Variants in GTF2IRD1 observed in about 807,000 individuals in gnomAD.
GTF2IRD1 encodes GTF2I repeat domain containing 1.
GTF2IRD1 carries 26 observed loss-of-function variants against 113.2 expected under a neutral mutation model. That is an observed-to-expected ratio of 0.23 (90% CI 0.17 to 0.32). GTF2IRD1 has a LOEUF of 0.32. Ranked by LOEUF, GTF2IRD1 falls within the 10% of genes least tolerant of loss-of-function variation. The pLI is 1.00. For synonymous variants in GTF2IRD1, 484 were observed against 529.1 expected (o/e 0.91, Z 1.17); for missense variants, 864 against 1,280.8 (o/e 0.67, Z 4.97).
At chr7:74,524,641 G>A (rs1014846144) in intron 8 of GTF2IRD1, among the ~76,000 whole-genome samples, 5 of 152,260 alleles carry the variant, frequency 3.3e-5, no homozygotes, top group East Asian at 1.9e-4. Context: ...AGAGGCAGGC[G>A]GATCACCTGA....
At chr7:74,531,388 T>C (rs1363691152) in intron 9 of GTF2IRD1, among the ~76,000 whole-genome samples, 2 of 152,020 alleles carry the variant, frequency 1.3e-5, no homozygotes, top group Non-Finnish European at 2.9e-5. Flanking sequence ...AAATTAAACA[T>C]AGAATAACCA....
rs587728467 is a variant in GTF2IRD1, at chr7:74,536,162, C to G, written c.1301-5C>G. ...TCACCCTGACCTCCCTGACTCTCCC[C>G]ACAGGGAACAAGTTTACCAAAGACA... is the stretch of plus-strand genomic sequence containing the variant. On this transcript the variant is annotated splice_polypyrimidine_tract_variant and splice_region_variant and intron_variant, in intron 10 of 26. Coordinates refer to ENST00000424337, the MANE Select transcript of GTF2IRD1 (RefSeq NM_005685.4). The G allele has an allele frequency of 6.2e-7, 1 of 1,600,696 alleles. No individual in the cohort carries two copies. Among genetic ancestry groups the G allele is most frequent in the Non-Finnish European group, 8.6e-7 (1 of 1,167,778 alleles).
At chr7:74,464,317 C>T (rs1554330276) in intron 1 of GTF2IRD1, among the ~76,000 whole-genome samples, 1 of 152,208 alleles carries the variant, frequency 6.6e-6, no homozygotes, top group Non-Finnish European at 1.5e-5. Flanking sequence ...TTGTCAGTTT[C>T]CCATTGGCAA....
rs782789787 is a variant in GTF2IRD1 at position 74,545,761 on chromosome 7, A to C, written c.1684A>C (p.Ile562Leu). ...CCTTCCAGACAGCCACGGTGACGTG[A>C]TCCGGCCCCTGCGGAAGCAGGTGGA... ...RPVEDSHGDV[I>L]RPLRKQVELL... The change falls in exon 16 of 27, where the codon ATC (isoleucine) becomes CTC (leucine). Residue 562 changes from isoleucine (I) to leucine (L), a missense_variant. Physicochemically the swap from Ile to Leu is conservative, Grantham distance 5. Coordinates refer to ENST00000424337, the MANE Select transcript of GTF2IRD1 (RefSeq NM_005685.4). The C allele has an allele frequency of 6.2e-7, 1 of 1,612,948 alleles. No individual in the cohort carries two copies. Among genetic ancestry groups the C allele is most frequent in the East Asian group, 2.2e-5 (1 of 44,880 alleles).
At chr7:74,532,821 T>C (rs1562843090) in intron 9 of GTF2IRD1, among the ~76,000 whole-genome samples, 1 of 152,176 alleles carries the variant, frequency 6.6e-6, no homozygotes, top group Non-Finnish European at 1.5e-5. Flanking sequence ...AATTTCCTGC[T>C]GGGTCCTCCC....
chr7:74,513,053 C>A, intron 3 of GTF2IRD1, 82 bp downstream of exon 3: 1 of 1,381,712 alleles, frequency 7.2e-7, no homozygotes, highest in Non-Finnish European at 1.0e-6. Context: ...GTCCCCAACC[C>A]TGTCTAGCCA....
At chr7:74,520,564 C>T (rs1797223721) in intron 6 of GTF2IRD1, among the ~76,000 whole-genome samples, 1 of 151,918 alleles carries the variant, frequency 6.6e-6, no homozygotes, top group South Asian at 2.1e-4. Flanking sequence ...GAATCTGAAG[C>T]TTTGGGGATG....
intron 1 of GTF2IRD1, among the ~76,000 whole-genome samples, chr7:74,491,513 GC>G (rs200754049): frequency 0.27 from 40,061 of 151,028 alleles, 5,672 homozygotes; most frequent in South Asian, 0.37. Flanking sequence ...AGTGTGTGTT[GC>G]CCCCCTCTCT....
Position 74,536,244 on chromosome 7 carries a change from G to A in GTF2IRD1, c.1378G>A (p.Ala460Thr). ...PEDTSAEVSR[A>T]TVLDLAGNAR... ...GGACACCTCTGCAGAGGTCTCTAGG[G>A]CCACCGTCCTTGACCTTGCTGGGAA... is the stretch of plus-strand genomic sequence containing the variant. The change falls in exon 11 of 27, where the codon GCC becomes ACC. Residue 460 changes from alanine (A) to threonine (T), a missense_variant. Physicochemically the swap from Ala to Thr is moderately conservative, Grantham distance 58. Coordinates refer to ENST00000424337, the MANE Select transcript of GTF2IRD1 (RefSeq NM_005685.4). The A allele has an allele frequency of 6.2e-7, 1 of 1,612,418 alleles. No homozygotes were observed. The highest frequency in any genetic ancestry group is 8.5e-7 in the Non-Finnish European group (1 of 1,178,564).
intron 1 of GTF2IRD1, among the ~76,000 whole-genome samples, chr7:74,484,568 C>T (rs1339644371): frequency 6.6e-6 from 1 of 151,688 alleles, no homozygotes; most frequent in African/African-American, 2.4e-5. Flanking sequence ...AAGCAATTCT[C>T]CTGCCTCAGC....
chr7:74,505,497 CCTCT>C (rs1796253530), intron 1 of GTF2IRD1, among the ~76,000 whole-genome samples: 1 of 152,228 alleles, frequency 6.6e-6, no homozygotes, highest in Non-Finnish European at 1.5e-5. Context: ...GCCCCTCTTC[CCTCT>C]CTGTGTCCCT....
intron 17 of GTF2IRD1, 127 bp downstream of exon 17, chr7:74,547,413 G>A: frequency 3.1e-6 from 2 of 647,402 alleles, no homozygotes; most frequent in Non-Finnish European, 5.3e-6. Context: ...GACCACAGGT[G>A]TGAGGTGTGT....
intron 1 of GTF2IRD1, among the ~76,000 whole-genome samples, chr7:74,477,229 C>T (rs932641490): frequency 1.8e-4 from 28 of 152,078 alleles, no homozygotes; most frequent in African/African-American, 6.0e-4. Context: ...CCACACATGC[C>T]AGTGCGCACC....
chr7:74,547,367 A>T, intron 17 of GTF2IRD1, 81 bp downstream of exon 17: 1 of 1,163,296 alleles, frequency 8.6e-7, no homozygotes. Flanking sequence ...AATTGCCATC[A>T]AGCAATTCTT....
At chr7:74,458,028 G>A (rs1252111374) in intron 1 of GTF2IRD1, among the ~76,000 whole-genome samples, 3 of 151,838 alleles carry the variant, frequency 2.0e-5, no homozygotes, top group African/African-American at 7.3e-5. Flanking sequence ...GCTCTACCAC[G>A]CCCGGCTAAT....
intron 22 of GTF2IRD1, among the ~76,000 whole-genome samples, chr7:74,560,177 A>G (rs1554358625): frequency 6.6e-6 from 1 of 152,212 alleles, no homozygotes; most frequent in Non-Finnish European, 1.5e-5. Context: ...ATCCTGGGAC[A>G]GAGAAAGGGG....
intron 14 of GTF2IRD1, 58 bp downstream of exon 14, chr7:74,540,026 G>A: frequency 7.7e-7 from 1 of 1,292,752 alleles, no homozygotes; most frequent in Non-Finnish European, 1.1e-6. Flanking sequence ...GGAGCAAAGG[G>A]AAAGGGGTGG....
chr7:74,489,654 C>T (rs1289267723), intron 1 of GTF2IRD1, among the ~76,000 whole-genome samples: 5 of 152,076 alleles, frequency 3.3e-5, no homozygotes, highest in Non-Finnish European at 5.9e-5. Context: ...GGTTTCAGTT[C>T]CTTTCTAAGG....
At position 74,519,734 on chromosome 7, in the gene GTF2IRD1, G is replaced by A. The variant is rs998741161; in HGVS notation, c.916+15G>A. ...CGACTGTTGTGGTAACATTGCTGCTGGGATCTCCAAGTCTAGGGGGTGGGA... is the reference window on the plus strand; with the variant it reads ...CGACTGTTGTGGTAACATTGCTGCTAGGATCTCCAAGTCTAGGGGGTGGGA... On this transcript the variant is annotated intron_variant, in intron 6 of 26. Transcript: ENST00000424337. 2.0e-6 allele frequency: 3 copies of A among 1,535,470 alleles called. No individual in the cohort carries two copies. The highest frequency in any genetic ancestry group is 2.7e-5 in the African/African-American group (2 of 72,960).
Sources: gnomAD v4.1 joint callset for allele counts (sites outside exome capture counted in the v4.1 genomes callset) on GRCh38, gnomAD v4.1.1 for gene constraint, MANE v1.5 for transcripts, NCBI Gene and HGNC (gene_info 2026-07-23, HGNC 2026-07-21) for gene names.